Variants in IRAG1 observed in about 807,000 individuals in gnomAD.
The protein encoded by IRAG1 is IP3R-associated cGMP kinase substrate.
A neutral mutation model predicts 106.2 loss-of-function variants in IRAG1; 62 were observed. The observed-to-expected ratio is 0.58, with a 90% CI of 0.48 to 0.72. The LOEUF is 0.72. IRAG1 is among the 30% of genes least tolerant of loss of function. IRAG1 has a pLI of 0.00. For missense variants in IRAG1, 1,064 were observed against 1,140.7 expected, an observed-to-expected ratio of 0.93 and a Z score of 0.97; for synonymous variants, 462 against 443.9, an observed-to-expected ratio of 1.04 and a Z score of -0.51.
intron 15 of IRAG1, chr11:10,599,571 T>A (rs1009044836): frequency 2.6e-5 from 4 of 152,252 alleles, no homozygotes; most frequent in African/African-American, 7.2e-5. Context: ...CTGGGACATG[T>A]CACTGATATT....
intron 10 of IRAG1, among the ~76,000 whole-genome samples, chr11:10,621,428 T>C (rs1855828054): frequency 6.6e-6 from 1 of 152,174 alleles, no homozygotes; most frequent in Non-Finnish European, 1.5e-5. Flanking sequence ...CAAATGGTGC[T>C]CTGTGAAGCC....
chr11:10,636,085 G>A (rs1204121237), intron 2 of IRAG1, among the ~76,000 whole-genome samples: 8 of 152,298 alleles, frequency 5.3e-5, no homozygotes, highest in East Asian at 3.9e-4. Context: ...GCTATGTGTC[G>A]TGGACAAGTT....
rs371383883 is a variant in IRAG1, at chr11:10,594,176, C to T, written c.2037G>A (p.Thr679=). The T allele has an allele frequency of 1.0e-4, 165 of 1,610,362 alleles. No individual in the cohort carries two copies. The East Asian group carries it at 1.2e-3, about 12-fold the overall frequency. Reference sequence around the variant, plus strand: ...CCAGCGTGAGGGACATGGACCGTGCCGTGCGAGGGACCCCATCTTCTGCAG... The same window carrying T: ...CCAGCGTGAGGGACATGGACCGTGCTGTGCGAGGGACCCCATCTTCTGCAG... ...CGPSEDGVPR[T]ARSMSLTLGK... The change falls in exon 16 of 21, where the codon ACG becomes ACA. Residue 679 remains threonine, a synonymous_variant. Coordinates refer to ENST00000423302, the MANE Select transcript of IRAG1 (RefSeq NM_130385.4).
chr11:10,601,126 T>C, intron 14 of IRAG1, 67 bp from the exon 15 acceptor site: 1 of 1,594,146 alleles, frequency 6.3e-7, no homozygotes, highest in South Asian at 1.1e-5. Flanking sequence ...ACTTATTTGC[T>C]CTGACCTAGG....
At chr11:10,577,793 A>G (rs987818200) in intron 20 of IRAG1, among the ~76,000 whole-genome samples, 3 of 152,228 alleles carry the variant, frequency 2.0e-5, no homozygotes, top group African/African-American at 7.2e-5. Context: ...CACAGAGAAC[A>G]TTGACAGGTT....
intron 10 of IRAG1, among the ~76,000 whole-genome samples, chr11:10,615,657 T>C (rs895495248): frequency 4.6e-5 from 7 of 152,080 alleles, no homozygotes; most frequent in East Asian, 2.0e-4. Flanking sequence ...CTGGAAACCA[T>C]CATTCTCAGC....
At chr11:10,639,200 G>A (rs1279055574) in intron 2 of IRAG1, among the ~76,000 whole-genome samples, 7 of 152,300 alleles carry the variant, frequency 4.6e-5, no homozygotes, top group Admixed American at 2.0e-4. Context: ...GATTACAGGC[G>A]TGAGCCACCA....
intron 18 of IRAG1, among the ~76,000 whole-genome samples, chr11:10,583,740 A>C (rs146883405): frequency 6.6e-6 from 1 of 152,252 alleles, no homozygotes; most frequent in East Asian, 1.9e-4. Context: ...TTGCAAAAGG[A>C]AATAGGGACA....
At chr11:10,676,087 T>C (rs1350505162) in intron 1 of IRAG1, among the ~76,000 whole-genome samples, 3 of 152,266 alleles carry the variant, frequency 2.0e-5, no homozygotes, top group Non-Finnish European at 2.9e-5. Flanking sequence ...TGATTTGATC[T>C]TTGTGATCAT....
At chr11:10,614,602 C>A (rs1264790016) in intron 10 of IRAG1, among the ~76,000 whole-genome samples, 1 of 152,112 alleles carries the variant, frequency 6.6e-6, no homozygotes, top group Admixed American at 6.5e-5. Flanking sequence ...AGATATAGAC[C>A]AATGGAACAG....
At chr11:10,649,423 T>G (rs1288815513) in intron 2 of IRAG1, among the ~76,000 whole-genome samples, 3 of 152,164 alleles carry the variant, frequency 2.0e-5, no homozygotes, top group Non-Finnish European at 4.4e-5. Flanking sequence ...AGGCAGCAAC[T>G]AACCCTTGTA....
At chr11:10,601,126 T>G in intron 14 of IRAG1, 67 bp from the exon 15 acceptor site, 1 of 1,594,156 alleles carries the variant, frequency 6.3e-7, no homozygotes, top group Non-Finnish European at 8.5e-7. Context: ...ACTTATTTGC[T>G]CTGACCTAGG....
intron 9 of IRAG1, 41 bp from the exon 10 acceptor site, chr11:10,623,897 CA>C: frequency 1.3e-6 from 2 of 1,568,710 alleles, no homozygotes; most frequent in Non-Finnish European, 1.8e-6. Context: ...CAGATGATGA[CA>C]CTGGGCTGGG....
chr11:10,671,976 A>G (rs1431470749), intron 1 of IRAG1, among the ~76,000 whole-genome samples: 1 of 150,440 alleles, frequency 6.6e-6, no homozygotes, highest in Non-Finnish European at 1.5e-5. Flanking sequence ...GTAATATAGT[A>G]TGATACTATA....
rs117627211 is a variant in IRAG1, at chr11:10,689,884, T to C, written c.67+3652A>G. Among the ~76,000 whole-genome samples the C allele has an allele frequency of 2.2e-4, 33 of 152,344 alleles. No individual in the cohort carries two copies. In the East Asian group the frequency reaches 6.2e-3, roughly 28 times the overall value. On this transcript the variant is annotated intron_variant, in intron 1 of 20. Coordinates refer to ENST00000423302, the MANE Select transcript of IRAG1 (RefSeq NM_130385.4). ...GAGGAATGGTATTCTAGAGGGTTTT[T>C]TATTTCTTTATATTTATTTCTGAAT...
At chr11:10,688,228 T>A (rs1273794458) in intron 1 of IRAG1, among the ~76,000 whole-genome samples, 3 of 152,066 alleles carry the variant, frequency 2.0e-5, no homozygotes, top group African/African-American at 7.2e-5. Context: ...AGCTGGTCAG[T>A]GGTGGAGCCA....
chr11:10,631,442 C>T (rs112664561), intron 4 of IRAG1, among the ~76,000 whole-genome samples: 2 of 152,232 alleles, frequency 1.3e-5, no homozygotes, highest in South Asian at 2.1e-4. Context: ...CAGAGAGACT[C>T]GGTCCCCTTC....
intron 1 of IRAG1, among the ~76,000 whole-genome samples, chr11:10,672,425 T>A (rs1860309391): frequency 1.3e-5 from 2 of 151,948 alleles, no homozygotes; most frequent in South Asian, 4.1e-4. Flanking sequence ...TAGAAAAAAA[T>A]TTGCAAATAG....
chr11:10,588,007 T>C (rs1852212680), intron 18 of IRAG1, among the ~76,000 whole-genome samples: 1 of 152,232 alleles, frequency 6.6e-6, no homozygotes, highest in African/African-American at 2.4e-5. Context: ...GAGGATTAAC[T>C]GAGATTATTA....
Sources: allele counts gnomAD v4.1 joint callset (sites outside exome capture counted in the v4.1 genomes callset), GRCh38; gene constraint gnomAD v4.1.1; transcripts MANE v1.5; gene names NCBI Gene and HGNC (gene_info 2026-07-23, HGNC 2026-07-21).